Variants in RHOU observed in about 807,000 individuals in gnomAD.
The protein encoded by RHOU is ras homolog family member U.
RHOU carries 8 observed loss-of-function variants against 12.6 expected under a neutral mutation model. That is an observed-to-expected ratio of 0.64 (90% confidence interval 0.37 to 1.15). The LOEUF (loss-of-function observed/expected upper bound fraction) is 1.15. Among genes scored for constraint, RHOU ranks in the 50% most tolerant of loss-of-function variants. The pLI is 0.01. For synonymous variants in RHOU, 161 were observed against 147.4 expected (o/e 1.09, Z -0.67); for missense variants, 258 against 347.0 (o/e 0.74, Z 2.04).
the RHOU span, among the ~76,000 whole-genome samples, chr1:228,712,967 A>G: frequency 1.3e-5 from 2 of 151,870 alleles, no homozygotes; most frequent in South Asian, 2.1e-4. Flanking sequence ...CTGACTATAT[A>G]TATATAAAGG....
chr1:228,708,839 C>T, the RHOU span, among the ~76,000 whole-genome samples: 4,817 of 152,136 alleles, frequency 0.032, 125 homozygotes, highest in Middle Eastern at 0.054. Context: ...GGACTAAATG[C>T]TCCAATTAAA....
the RHOU span, among the ~76,000 whole-genome samples, chr1:228,658,848 T>C: frequency 6.6e-6 from 1 of 152,148 alleles, no homozygotes; most frequent in Non-Finnish European, 1.5e-5. Flanking sequence ...GAATACTGTA[T>C]TTTCAATCTG....
upstream of RHOU, chr1:228,735,342 G>A (rs942359925): frequency 3.9e-5 from 6 of 152,906 alleles, no homozygotes; most frequent in African/African-American, 9.6e-5. This position sits in a 1 kb window ranked among gnomAD's most constrained non-coding sequence, Gnocchi z 8.1. Flanking sequence ...GCAGGCGCGC[G>A]GCGCGCAGGC....
At chr1:228,720,875 T>C in the RHOU span, among the ~76,000 whole-genome samples, 5 of 151,370 alleles carry the variant, frequency 3.3e-5, no homozygotes, top group Admixed American at 2.6e-4. Flanking sequence ...CCCGCACCCC[T>C]ACCAGATGTT....
At chr1:228,731,879 T>A (rs1662504484), upstream of RHOU, among the ~76,000 whole-genome samples, 1 of 152,142 alleles carries the variant, frequency 6.6e-6, no homozygotes, top group Non-Finnish European at 1.5e-5. Context: ...CAGAATTTTC[T>A]AGGCCCACTG....
chr1:228,664,906 C>A, the RHOU span, among the ~76,000 whole-genome samples: 4 of 152,150 alleles, frequency 2.6e-5, no homozygotes, highest in African/African-American at 9.7e-5. Context: ...TCCGCCTCGG[C>A]CTCCCAAAGT....
chr1:228,728,516 T>C, the RHOU span, among the ~76,000 whole-genome samples: 2 of 152,330 alleles, frequency 1.3e-5, no homozygotes, highest in East Asian at 3.9e-4. Context: ...ATAAATAGGA[T>C]TTTGGTACTC....
At chr1:228,709,497 T>C in the RHOU span, among the ~76,000 whole-genome samples, 1 of 151,078 alleles carries the variant, frequency 6.6e-6, no homozygotes, top group Non-Finnish European at 1.5e-5. Context: ...AACTCAGGAT[T>C]AAGAATCTCA....
the RHOU span, among the ~76,000 whole-genome samples, chr1:228,707,140 A>C: frequency 7.7e-6 from 1 of 129,798 alleles, no homozygotes; most frequent in Non-Finnish European, 1.6e-5. Context: ...ATATATATAT[A>C]TATATGTATA....
At chr1:228,684,251 G>A in the RHOU span, among the ~76,000 whole-genome samples, 31 of 152,104 alleles carry the variant, frequency 2.0e-4, no homozygotes, top group East Asian at 4.3e-3. Flanking sequence ...TGGCCAGGCT[G>A]GTCTTGAACT....
chr1:228,651,163 G>A, the RHOU span: 4 of 204,378 alleles, frequency 2.0e-5, no homozygotes, highest in Non-Finnish European at 4.2e-5. Flanking sequence ...TCCTGCGGTA[G>A]GAATTTGAAA....
the RHOU span, chr1:228,650,412 G>T: frequency 2.2e-6 from 1 of 457,184 alleles, no homozygotes; most frequent in Non-Finnish European, 4.4e-6. Context: ...GCCCGGGGCG[G>T]CTGTGGGGTC....
At chr1:228,655,441 C>T in the RHOU span, among the ~76,000 whole-genome samples, 1 of 152,042 alleles carries the variant, frequency 6.6e-6, no homozygotes, top group Non-Finnish European at 1.5e-5. Context: ...AACTTTGTGC[C>T]CATGGCTTAA....
In RHOU at chr1:228,746,499, T is replaced by A. The variant is rs1662836435; in HGVS notation, c.*2759T>A. Reference sequence around the variant, plus strand: ...ACAGACTCAAGAGAAACTACCCAGGTATTACACAAGCCAAAATGGGAGCAA... The same window carrying A: ...ACAGACTCAAGAGAAACTACCCAGGAATTACACAAGCCAAAATGGGAGCAA... On this transcript the variant is annotated 3_prime_UTR_variant, in exon 3 of 3. Coordinates refer to ENST00000366691, the MANE Select transcript of RHOU (RefSeq NM_021205.6). 6.6e-6 allele frequency: 1 copy of A among 152,198 alleles called. No homozygotes were observed. Among genetic ancestry groups the A allele is most frequent in the Non-Finnish European group, 1.5e-5 (1 of 68,044 alleles). The allele number at this position is 152,198 out of a possible 1,614,324, so 9.4% of individuals were successfully genotyped here.
the RHOU span, among the ~76,000 whole-genome samples, chr1:228,723,312 A>AC: frequency 2.0e-5 from 3 of 152,124 alleles, no homozygotes; most frequent in Non-Finnish European, 4.4e-5. Flanking sequence ...AGGAGAGGAG[A>AC]CCCCAAGTGG....
the RHOU span, among the ~76,000 whole-genome samples, chr1:228,707,860 G>A: frequency 1.3e-5 from 2 of 152,236 alleles, no homozygotes; most frequent in Non-Finnish European, 2.9e-5. Flanking sequence ...AAATTACTCC[G>A]AGCTATGGGA....
the RHOU span, among the ~76,000 whole-genome samples, chr1:228,662,576 C>T: frequency 5.7e-4 from 85 of 150,320 alleles, no homozygotes; most frequent in Non-Finnish European, 9.6e-4. Flanking sequence ...CAAACTATCA[C>T]GAGGACAGAA....
chr1:228,679,935 G>A, the RHOU span, among the ~76,000 whole-genome samples: 5 of 152,178 alleles, frequency 3.3e-5, no homozygotes, highest in South Asian at 4.2e-4. Flanking sequence ...AAAATGTCTC[G>A]AGCCAATAAG....
the RHOU span, among the ~76,000 whole-genome samples, chr1:228,649,897 GA>G: frequency 1.3e-5 from 2 of 152,172 alleles, no homozygotes; most frequent in East Asian, 3.9e-4. Context: ...AAAACTCCTA[GA>G]AATCTAAGAC....
Sources: gnomAD v4.1 joint callset for allele counts (sites outside exome capture counted in the v4.1 genomes callset) on GRCh38, gnomAD v4.1.1 for gene constraint, Gnocchi (gnomAD v3.1) non-coding constraint, MANE v1.5 for transcripts, NCBI Gene and HGNC (gene_info 2026-07-23, HGNC 2026-07-21) for gene names.